The following PRICKLE2 variants were observed in gnomAD, a reference collection of about 807,000 sequenced individuals.
PRICKLE2 encodes prickle planar cell polarity protein 2.
A neutral mutation model predicts 81.4 loss-of-function variants in PRICKLE2; 21 were observed. That is an observed-to-expected ratio of 0.26 (90% confidence interval 0.18 to 0.37). PRICKLE2 has a LOEUF of 0.37. Among genes scored for constraint, PRICKLE2 ranks in the 10% least tolerant of loss-of-function variants. PRICKLE2 has a pLI of 1.00. For synonymous variants in PRICKLE2, 456 were observed against 421.5 expected, an observed-to-expected ratio of 1.08 and a Z score of -1.00; for missense variants, 940 against 1,109.0, an observed-to-expected ratio of 0.85 and a Z score of 2.16.
At chr3:64,107,684 C>CA (rs1575543286) in intron 7 of PRICKLE2, among the ~76,000 whole-genome samples, 1 of 152,046 alleles carries the variant, frequency 6.6e-6, no homozygotes, top group South Asian at 2.1e-4. Context: ...ACTACAAAAA[C>CA]AAAAAACAGA....
In PRICKLE2 at chr3:64,099,157, A is replaced by G. The variant is rs974177475; in HGVS notation, c.2429T>C (p.Leu810Pro). 5 of 1,614,116 alleles carry G rather than the reference A, an allele frequency of 3.1e-6. No individual in the cohort carries two copies. The highest frequency in any genetic ancestry group is 1.6e-4 in the Middle Eastern group (1 of 6,084). The change falls in exon 8 of 8, where the codon CTG (leucine) becomes CCG (proline). Residue 810 changes from leucine (L) to proline (P), a missense_variant. This residue lies in a region of PRICKLE2 where 670 missense variants were observed against 717.2 expected (regional missense o/e 0.93). Coordinates refer to ENST00000638394, the MANE Select transcript of PRICKLE2 (RefSeq NM_198859.4). The surrounding 1 kb of genome is among the most constrained non-coding windows in gnomAD (Gnocchi z 4.3). The stretch of plus-strand genomic sequence containing the variant: ...GAGGCCGTAGGAGCTGTATTTGTGC[A>G]GCAGCTCATCGCTTGTGACGTATCG... Reference protein sequence around the residue: ...RLRYVTSDELLHKYSSYGLPK... With the variant: ...RLRYVTSDELPHKYSSYGLPK...
intron 1 of PRICKLE2, among the ~76,000 whole-genome samples, chr3:64,202,645 C>CGTGTGTGT (rs71099794): frequency 0.093 from 13,819 of 149,340 alleles, 670 homozygotes; most frequent in African/African-American, 0.12. Flanking sequence ...TACTTGTGTG[C>CGTGTGTGT]GTGTGTGTGT....
intron 2 of PRICKLE2, among the ~76,000 whole-genome samples, chr3:64,263,526 T>C (rs1037684687): frequency 6.6e-6 from 1 of 152,158 alleles, no homozygotes; most frequent in Non-Finnish European, 1.5e-5. Flanking sequence ...GAGTTCACTT[T>C]CCACAGGATT....
At chr3:64,258,709 A>G (rs1225730470) in intron 2 of PRICKLE2, among the ~76,000 whole-genome samples, 1 of 150,938 alleles carries the variant, frequency 6.6e-6, no homozygotes, top group Admixed American at 6.6e-5. Flanking sequence ...CTGCAGTCCC[A>G]GCCACTGGGG....
intron 2 of PRICKLE2, among the ~76,000 whole-genome samples, chr3:64,255,844 A>T (rs978490645): frequency 2.6e-5 from 4 of 152,198 alleles, no homozygotes; most frequent in African/African-American, 7.2e-5. Flanking sequence ...AGACAAGGGG[A>T]AGTCTCCTTA....
intron 2 of PRICKLE2, among the ~76,000 whole-genome samples, chr3:64,196,422 A>G (rs55895332): frequency 0.2 from 30,138 of 152,166 alleles, 3,294 homozygotes; most frequent in Non-Finnish European, 0.23. Context: ...GTATGAAAAC[A>G]CACTGTTCAA....
intron 2 of PRICKLE2, among the ~76,000 whole-genome samples, chr3:64,266,522 G>A (rs990864926): frequency 6.6e-6 from 1 of 152,160 alleles, no homozygotes; most frequent in African/African-American, 2.4e-5. Flanking sequence ...ATGGGAAGAT[G>A]CTTTATTGTA....
rs2076567750 is a variant in PRICKLE2 at position 64,096,060 on chromosome 3, AAGCCAGCT to A, written c.*2983_*2990del. The A allele has an allele frequency of 6.6e-6, 1 of 152,224 alleles. No homozygotes were observed. Among genetic ancestry groups the A allele is most frequent in the African/African-American group, 2.4e-5 (1 of 41,448 alleles). 9.4% of individuals were successfully genotyped at this position (152,224 alleles called of 1,614,324 possible). On this transcript the variant is annotated 3_prime_UTR_variant, in exon 8 of 8. Transcript: ENST00000638394. Reference sequence around the variant, plus strand: ...ACTTATACTTCCTGGGTCTGGGAACAAGCCAGCTATGTTGCTACTGAATTGAGCAGCAA... The same window carrying A: ...ACTTATACTTCCTGGGTCTGGGAACAATGTTGCTACTGAATTGAGCAGCAA...
intron 2 of PRICKLE2, among the ~76,000 whole-genome samples, chr3:64,188,441 T>C (rs1179559848): frequency 6.6e-6 from 1 of 152,186 alleles, no homozygotes; most frequent in Non-Finnish European, 1.5e-5. Context: ...TTGAAACAGA[T>C]TGTTGGGCTC....
At chr3:64,122,787 T>C (rs1185946038) in intron 7 of PRICKLE2, among the ~76,000 whole-genome samples, 2 of 152,150 alleles carry the variant, frequency 1.3e-5, no homozygotes, top group Non-Finnish European at 2.9e-5. Context: ...CCTGCTCCTG[T>C]CACTAAATGT....
At chr3:64,146,353 C>G (rs1479720264) in intron 7 of PRICKLE2, 3 of 192,026 alleles carry the variant, frequency 1.6e-5, no homozygotes, top group African/African-American at 7.0e-5. Context: ...GCTTTGTTTA[C>G]AGGGAAGCCC....
intron 2 of PRICKLE2, among the ~76,000 whole-genome samples, chr3:64,183,228 C>T (rs953438209): frequency 1.3e-5 from 2 of 152,074 alleles, no homozygotes; most frequent in South Asian, 2.1e-4. Context: ...AGGGATGTTA[C>T]AATTAATAGA....
Position 64,114,211 on chromosome 3 carries a change from AC to A in PRICKLE2, c.1661-14287del, listed in dbSNP as rs1159409545. On this transcript the variant is annotated intron_variant, in intron 7 of 7. Coordinates refer to ENST00000638394, the MANE Select transcript of PRICKLE2 (RefSeq NM_198859.4). ...AAATAGGATTAAGAAAAAAAAAAAAACCATGCAAAGGTCAGCAACCTCAAAG... is the reference window on the plus strand; with the variant it reads ...AAATAGGATTAAGAAAAAAAAAAAAACATGCAAAGGTCAGCAACCTCAAAG... 2.9e-4 allele frequency among the ~76,000 whole-genome samples: 44 copies of A among 151,856 alleles called. 1 individual carries two copies. In the South Asian group the frequency reaches 8.6e-3, roughly 30 times the overall value.
intron 7 of PRICKLE2, among the ~76,000 whole-genome samples, chr3:64,121,417 T>C (rs190590034): frequency 1.3e-5 from 2 of 152,222 alleles, no homozygotes; most frequent in Middle Eastern, 3.4e-3. Flanking sequence ...CTCATAAACA[T>C]GTTTTGAGAA....
chr3:64,127,545 G>C (rs1018293278), intron 7 of PRICKLE2, among the ~76,000 whole-genome samples: 3 of 152,122 alleles, frequency 2.0e-5, no homozygotes, highest in Non-Finnish European at 2.9e-5. Flanking sequence ...AGGAATCTGA[G>C]ACTCAAAGAG....
At chr3:64,167,305 A>G (rs2077851003) in intron 2 of PRICKLE2, among the ~76,000 whole-genome samples, 4 of 152,168 alleles carry the variant, frequency 2.6e-5, no homozygotes, top group Admixed American at 1.3e-4. Flanking sequence ...TATTGAACAT[A>G]TTTATTCAAA....
chr3:64,092,981 C>A lies in PRICKLE2; in HGVS notation c.*6070G>T, dbSNP rs1406698138. On this transcript the variant is annotated 3_prime_UTR_variant, in exon 8 of 8. Transcript: ENST00000638394. The stretch of plus-strand genomic sequence containing the variant: ...AACCCGTCTCCAGAACTCTTTTCAT[C>A]TTGCCATAATGAAACTCTATACCCA... The A allele has an allele frequency of 6.6e-6, 1 of 152,356 alleles. No homozygotes were observed. The highest frequency in any genetic ancestry group is 1.9e-4 in the East Asian group (1 of 5,204). 9.4% of individuals were successfully genotyped at this position (152,356 alleles called of 1,614,324 possible). A position where few individuals can be genotyped will look rare whatever the true frequency, so the allele number is the denominator to read the frequency against.
At chr3:64,173,644 A>G (rs958410498) in intron 2 of PRICKLE2, among the ~76,000 whole-genome samples, 21 of 152,212 alleles carry the variant, frequency 1.4e-4, no homozygotes, top group Non-Finnish European at 2.6e-4. Context: ...TCTCTTTTAA[A>G]AAGTAAAAAG....
At chr3:64,244,758 A>C (rs2079321522) in intron 2 of PRICKLE2, among the ~76,000 whole-genome samples, 1 of 152,154 alleles carries the variant, frequency 6.6e-6, no homozygotes, top group South Asian at 2.1e-4. Flanking sequence ...GGTCACCAAC[A>C]TATAGCAGAA....
Sources: gnomAD v4.1 joint callset for allele counts (sites outside exome capture counted in the v4.1 genomes callset) on GRCh38, gnomAD v4.1.1 for gene constraint, gnomAD v4.1.1 regional missense constraint, Gnocchi (gnomAD v3.1) non-coding constraint, MANE v1.5 for transcripts, NCBI Gene and HGNC (gene_info 2026-07-23, HGNC 2026-07-21) for gene names.